Variants in RBFOX3 observed in about 807,000 individuals in gnomAD.
RBFOX3 encodes the protein RNA binding protein fox-1 homolog 3.
A neutral mutation model predicts 48.7 loss-of-function variants in RBFOX3; 17 were observed. That is an observed-to-expected ratio of 0.35 (90% CI 0.24 to 0.52). RBFOX3 has a LOEUF of 0.52. Ranked by LOEUF, RBFOX3 falls within the 20% of genes least tolerant of loss-of-function variation. The pLI, the probability that RBFOX3 is intolerant of heterozygous loss-of-function variation, is 0.94. For synonymous variants in RBFOX3, 212 were observed against 209.5 expected (o/e 1.01, Z -0.10); for missense variants, 382 against 497.5 (o/e 0.77, Z 2.21).
chr17:79,364,688 G>A lies in RBFOX3; in HGVS notation c.-174-56864C>T, dbSNP rs1463526430. Among the ~76,000 whole-genome samples, 2 of 152,134 alleles carry A rather than the reference G, an allele frequency of 1.3e-5. No individual in the cohort carries two copies. Among genetic ancestry groups the A allele is most frequent in the African/African-American group, 2.4e-5 (1 of 41,420 alleles). The stretch of plus-strand genomic sequence containing the variant: ...TGTTTGCTTTCTGGTGGGGAAGCAC[G>A]CTCTCCACTGATGGGGGACACCATA... On this transcript the variant is annotated intron_variant, in intron 2 of 14. Coordinates refer to ENST00000693108, the MANE Select transcript of RBFOX3 (RefSeq NM_001350451.2). This position sits in a 1 kb window ranked among gnomAD's most constrained non-coding sequence, Gnocchi z 5.1.
At chr17:79,339,285 A>G (rs1356030338) in intron 2 of RBFOX3, among the ~76,000 whole-genome samples, 4 of 152,124 alleles carry the variant, frequency 2.6e-5, no homozygotes, top group Non-Finnish European at 5.9e-5. Context: ...TGAAGTCCTG[A>G]GCTCGAGTGA....
chr17:79,250,351 G>T (rs1008166465), intron 3 of RBFOX3, among the ~76,000 whole-genome samples: 1 of 152,226 alleles, frequency 6.6e-6, no homozygotes, highest in Admixed American at 6.5e-5. Context: ...CCTGGGTTCT[G>T]TTCATGCAGA....
At chr17:79,486,191 G>C (rs1395275872) in intron 1 of RBFOX3, among the ~76,000 whole-genome samples, 1 of 152,162 alleles carries the variant, frequency 6.6e-6, no homozygotes. Context: ...GAGCGTAGTT[G>C]GGGGCTGGGC....
At chr17:79,486,690 C>T (rs2079654881) in intron 1 of RBFOX3, among the ~76,000 whole-genome samples, 1 of 152,198 alleles carries the variant, frequency 6.6e-6, no homozygotes, top group South Asian at 2.1e-4. Flanking sequence ...AGAAGGCTGG[C>T]TATGGGTGGC....
At chr17:79,210,150 G>C (rs534222131) in intron 4 of RBFOX3, among the ~76,000 whole-genome samples, 2 of 152,230 alleles carry the variant, frequency 1.3e-5, no homozygotes, top group Admixed American at 6.5e-5. Context: ...GTACCTGCCT[G>C]GGGGGAGGGA....
intron 1 of RBFOX3, among the ~76,000 whole-genome samples, chr17:79,524,272 G>C (rs2086508818): frequency 6.6e-6 from 1 of 152,136 alleles, no homozygotes; most frequent in Non-Finnish European, 1.5e-5. Context: ...ACATGCTGCA[G>C]GTTCAGAGCC....
intron 2 of RBFOX3, among the ~76,000 whole-genome samples, chr17:79,371,884 G>A (rs1024234484): frequency 2.0e-4 from 30 of 152,078 alleles, no homozygotes; most frequent in African/African-American, 6.8e-4. Context: ...GGCTGTCCCC[G>A]CAGAAAGCAT....
chr17:79,345,580 A>T (rs2082774244), intron 2 of RBFOX3, among the ~76,000 whole-genome samples: 1 of 152,148 alleles, frequency 6.6e-6, no homozygotes, highest in Admixed American at 6.5e-5. Flanking sequence ...GTGAGGTTAA[A>T]CATCTCTTTT....
the RBFOX3 span, among the ~76,000 whole-genome samples, chr17:79,619,703 G>A: frequency 6.6e-6 from 1 of 152,042 alleles, no homozygotes. Flanking sequence ...GCAGGCTCCG[G>A]GGCAGGTGGA....
At position 79,363,785 on chromosome 17, in the gene RBFOX3, A is replaced by T. The variant is rs2057341546; in HGVS notation, c.-174-55961T>A. 6.6e-6 allele frequency among the ~76,000 whole-genome samples: 1 copy of T among 151,848 alleles called. No individual in the cohort carries two copies. The highest frequency in any genetic ancestry group is 2.4e-5 in the African/African-American group (1 of 41,334). ...TCCGCCCCCCAGCAGCCTGGGTCTG[A>T]CTGAGGAAGGTCAATCAGCTCGCAC... is the stretch of plus-strand genomic sequence containing the variant. On this transcript the variant is annotated intron_variant, in intron 2 of 14. Coordinates refer to ENST00000693108, the MANE Select transcript of RBFOX3 (RefSeq NM_001350451.2). The surrounding 1 kb of genome is among the most constrained non-coding windows in gnomAD (Gnocchi z 4.7).
intron 3 of RBFOX3, among the ~76,000 whole-genome samples, chr17:79,278,653 C>T (rs985950142): frequency 9.2e-5 from 14 of 152,252 alleles, no homozygotes; most frequent in African/African-American, 4.8e-5. Flanking sequence ...GCAGCCCGCA[C>T]GGCTTGTGTC....
rs1293594556 is a variant in RBFOX3 at position 79,393,868 on chromosome 17, C to T, written c.-174-86044G>A. ...CACACATCATCTGAGCCGGTCATCA[C>T]GCACATCATCTGAGCCATTCATCGC... On this transcript the variant is annotated intron_variant, in intron 2 of 14. Coordinates refer to ENST00000693108, the MANE Select transcript of RBFOX3 (RefSeq NM_001350451.2). Among the ~76,000 whole-genome samples the T allele has an allele frequency of 4.6e-5, 7 of 151,664 alleles. No homozygotes were observed. In the East Asian group the frequency reaches 1.2e-3, roughly 25 times the overall value.
At chr17:79,545,872 T>G (rs2090356290) in intron 1 of RBFOX3, among the ~76,000 whole-genome samples, 1 of 152,240 alleles carries the variant, frequency 6.6e-6, no homozygotes, top group South Asian at 2.1e-4. Flanking sequence ...TCCATTTCTT[T>G]GGCAGTTCTC....
intron 1 of RBFOX3, among the ~76,000 whole-genome samples, chr17:79,540,604 G>T (rs1555789957): frequency 6.6e-6 from 1 of 152,188 alleles, no homozygotes. Context: ...AAGGGCCCGG[G>T]CCCTGCTTCC....
chr17:79,395,064 G>A (rs754783503), intron 2 of RBFOX3, among the ~76,000 whole-genome samples: 1 of 152,254 alleles, frequency 6.6e-6, no homozygotes, highest in Non-Finnish European at 1.5e-5. Flanking sequence ...CATTCAGTGC[G>A]ACTGATGGGG....
intron 3 of RBFOX3, among the ~76,000 whole-genome samples, chr17:79,237,684 G>C (rs1388962770): frequency 6.6e-6 from 1 of 152,228 alleles, no homozygotes; most frequent in Non-Finnish European, 1.5e-5. Context: ...GAGGGCTATG[G>C]GCCAAGGAGC....
intron 2 of RBFOX3, among the ~76,000 whole-genome samples, chr17:79,470,301 G>A (rs892834021): frequency 7.9e-5 from 12 of 152,152 alleles, no homozygotes; most frequent in African/African-American, 1.9e-4. Flanking sequence ...CCAAAATGCC[G>A]TGTGTCCACT....
chr17:79,415,540 T>C lies in RBFOX3; in HGVS notation c.-175+66914A>G, dbSNP rs139791978. Among the ~76,000 whole-genome samples, 313 of 152,282 alleles carry C rather than the reference T, an allele frequency of 2.1e-3. 1 individual carries two copies. The highest frequency in any genetic ancestry group is 7.0e-3 in the African/African-American group (290 of 41,564). ...TGGAGGAGAGAGAAACTCCCTCCTC[T>C]GGTGGTGTGTGCATGCAGGCAGCCC... is the stretch of plus-strand genomic sequence containing the variant. On this transcript the variant is annotated intron_variant, in intron 2 of 14. Coordinates refer to ENST00000693108, the MANE Select transcript of RBFOX3 (RefSeq NM_001350451.2).
At chr17:79,413,788 C>A (rs1033113572) in intron 2 of RBFOX3, among the ~76,000 whole-genome samples, 13 of 152,348 alleles carry the variant, frequency 8.5e-5, no homozygotes, top group Non-Finnish European at 1.3e-4. Context: ...CATCCTTCTG[C>A]GGCCTGGCCA....
Sources: allele counts gnomAD v4.1 joint callset (sites outside exome capture counted in the v4.1 genomes callset), GRCh38; gene constraint gnomAD v4.1.1; non-coding constraint Gnocchi (gnomAD v3.1); transcripts MANE v1.5; gene names NCBI Gene and HGNC (gene_info 2026-07-23, HGNC 2026-07-21).